Variants in CANX observed in about 807,000 individuals in gnomAD.
CANX encodes epididymis secretory sperm binding protein.
Under a neutral mutation model 75.7 loss-of-function variants are expected in CANX, and 14 were observed. The observed-to-expected ratio is 0.19, with a 90% CI of 0.12 to 0.29. CANX has a LOEUF of 0.29. Ranked by LOEUF, CANX falls within the 10% of genes least tolerant of loss-of-function variation. CANX has a pLI of 1.00. For synonymous variants in CANX, 227 were observed against 236.9 expected (o/e 0.96, Z 0.38); for missense variants, 567 against 713.2 (o/e 0.79, Z 2.34).
Position 179,709,875 on chromosome 5 carries a change from T to C in CANX, c.531T>C (p.Asp177=), listed in dbSNP as rs1777412765. 2 of 1,575,318 alleles carry C rather than the reference T, an allele frequency of 1.3e-6. No individual in the cohort carries two copies. Among genetic ancestry groups the C allele is most frequent in the African/African-American group, 1.4e-5 (1 of 72,542 alleles). Residue 177 remains aspartate, a splice_region_variant and synonymous_variant, in exon 7 of 15, where the codon GAT becomes GAC. Coordinates refer to ENST00000247461, the MANE Select transcript of CANX (RefSeq NM_001746.4). ...LLSKTPELNL[D]QFHDKTPYTI... is the part of the protein sequence containing the mutation. ...ATAATCCTTTTTTGTTTTTGAAGGA[T>C]CAGTTCCATGACAAGACCCCTTATA...
chr5:179,719,505 T>C (rs1401673530), intron 8 of CANX, among the ~76,000 whole-genome samples, 163 bp from the exon 9 acceptor site: 2 of 152,212 alleles, frequency 1.3e-5, no homozygotes, highest in Non-Finnish European at 2.9e-5. Context: ...GTTATTTTAC[T>C]AGGCCCTTAG....
rs185246993 is a variant in CANX, at chr5:179,729,802, A to C, written c.*1158A>C. 1.3e-5 allele frequency: 2 copies of C among 152,622 alleles called. No individual in the cohort carries two copies. Among genetic ancestry groups the C allele is most frequent in the African/African-American group, 4.8e-5 (2 of 41,454 alleles). The allele number at this position is 152,622 out of a possible 1,614,324, so 9.5% of individuals were successfully genotyped here. ...ACTTGAGAAGTCTAATTCACAGGCAAACCAATACAGAATTGACTGCAGTTG... is the reference window on the plus strand; with the variant it reads ...ACTTGAGAAGTCTAATTCACAGGCACACCAATACAGAATTGACTGCAGTTG... On this transcript the variant is annotated 3_prime_UTR_variant, in exon 15 of 15. Coordinates refer to ENST00000247461, the MANE Select transcript of CANX (RefSeq NM_001746.4).
intron 1 of CANX, chr5:179,700,166 G>A (rs531544953): frequency 1.3e-5 from 2 of 152,236 alleles, no homozygotes; most frequent in East Asian, 1.9e-4. Flanking sequence ...AGAAGAAACC[G>A]GGCATTGTGT....
At chr5:179,727,770 T>G (rs1247687412) in intron 14 of CANX, among the ~76,000 whole-genome samples, 1 of 152,076 alleles carries the variant, frequency 6.6e-6, no homozygotes, top group Non-Finnish European at 1.5e-5. Context: ...CCACAAAGGG[T>G]GACAGGAGAG....
chr5:179,712,181 T>C (rs556173517), intron 7 of CANX, among the ~76,000 whole-genome samples: 4 of 151,540 alleles, frequency 2.6e-5, no homozygotes, highest in Admixed American at 6.6e-5. Context: ...TTTGTTGTTG[T>C]TGTTGAGAAA....
Position 179,678,780 on chromosome 5 carries a change from AGTT to A in CANX, c.-4+7_-4+9del, listed in dbSNP as rs763827108. On this transcript the variant is annotated splice_donor_5th_base_variant and intron_variant, in intron 1 of 14. Transcript: ENST00000681674. ...AGCAGTTCCTGCTGCAGCTTCAGGTAGTTGTTCTCCTCCAGCAACACTTGGCTT... is the reference window on the plus strand; with the variant it reads ...AGCAGTTCCTGCTGCAGCTTCAGGTAGTTCTCCTCCAGCAACACTTGGCTT... 4.0e-5 allele frequency: 61 copies of A among 1,537,048 alleles called. No individual in the cohort carries two copies. The African/African-American group carries it at 7.0e-4, about 18-fold the overall frequency.
chr5:179,694,144 C>CA (rs55708497), upstream of CANX: 1,222 of 103,804 alleles, frequency 0.012, 17 homozygotes, highest in African/African-American at 0.023. Context: ...AACTCCGTCT[C>CA]AAAAAAAAAA....
chr5:179,711,477 G>T (rs1412323997), intron 7 of CANX, among the ~76,000 whole-genome samples: 1 of 151,728 alleles, frequency 6.6e-6, no homozygotes, highest in African/African-American at 2.4e-5. Flanking sequence ...TGAGGTTCGA[G>T]ATAATTTTAA....
At chr5:179,683,485 T>C (rs941954430) in intron 1 of CANX, among the ~76,000 whole-genome samples, 1 of 151,982 alleles carries the variant, frequency 6.6e-6, no homozygotes, top group Non-Finnish European at 1.5e-5. Context: ...ATTTGTTATG[T>C]GAAATCATTC....
At chr5:179,696,045 G>A (rs1441984825), upstream of CANX, among the ~76,000 whole-genome samples, 1 of 151,888 alleles carries the variant, frequency 6.6e-6, no homozygotes, top group Non-Finnish European at 1.5e-5. Flanking sequence ...TCGGCCTCCT[G>A]AGTAGCTGAG....
chr5:179,679,372 C>A lies in CANX; in HGVS notation c.-4+595C>A, dbSNP rs1033115324. ...CCTGCAGCTACGGCTGCGGCTGTGT[C>A]TCACCAGCTGCTGGCCACCGAGGAG... On this transcript the variant is annotated intron_variant, in intron 1 of 14. Coordinates refer to the CANX transcript ENST00000681674. 4 of 980,448 alleles carry A rather than the reference C, an allele frequency of 4.1e-6. No homozygotes were observed. In the Admixed American group the frequency reaches 1.2e-4, roughly 29 times the overall value. 60.7% of individuals were successfully genotyped at this position (980,448 alleles called of 1,614,324 possible).
At chr5:179,693,579 C>G (rs1776339296), upstream of CANX, among the ~76,000 whole-genome samples, 1 of 151,908 alleles carries the variant, frequency 6.6e-6, no homozygotes, top group African/African-American at 2.4e-5. Context: ...GAGGCTGAGG[C>G]AGGAGAATCG....
In CANX at chr5:179,731,506, C is replaced by A. The variant is rs1463753700; in HGVS notation, c.*2862C>A. 6.6e-6 allele frequency among the ~76,000 whole-genome samples: 1 copy of A among 150,696 alleles called. No individual in the cohort carries two copies. The highest frequency in any genetic ancestry group is 6.6e-5 in the Admixed American group (1 of 15,118). Reference sequence around the variant, plus strand: ...AAAAAAAAGCAGGACTGCATTATGGCACTTTTGCCTTGGTGGCCCACTTTC... The same window carrying A: ...AAAAAAAAGCAGGACTGCATTATGGAACTTTTGCCTTGGTGGCCCACTTTC... On this transcript the variant is annotated 3_prime_UTR_variant, in exon 15 of 15. Transcript: ENST00000247461.
chr5:179,680,715 T>C (rs1254266375), intron 1 of CANX, among the ~76,000 whole-genome samples: 13 of 152,110 alleles, frequency 8.5e-5, no homozygotes, highest in Admixed American at 6.6e-4. Context: ...GATTCTATTA[T>C]GTGAAAAAGG....
At chr5:179,699,298 C>T (rs1237764570) in intron 1 of CANX, among the ~76,000 whole-genome samples, 196 bp downstream of exon 1, 1 of 152,074 alleles carries the variant, frequency 6.6e-6, no homozygotes, top group Non-Finnish European at 1.5e-5. Flanking sequence ...GTTGCGGGCC[C>T]AGGCCGCGCC....
rs779864154 is a variant in CANX, at chr5:179,723,787, G to A, written c.1518+8G>A. 2 of 985,608 alleles carry A rather than the reference G, an allele frequency of 2.0e-6. No individual in the cohort carries two copies. Among genetic ancestry groups the A allele is most frequent in the African/African-American group, 3.3e-5 (2 of 61,186 alleles). 61.1% of individuals were successfully genotyped at this position (985,608 alleles called of 1,614,324 possible). A position where few individuals can be genotyped will look rare whatever the true frequency, so the allele number is the denominator to read the frequency against. On this transcript the variant is annotated splice_region_variant and intron_variant, in intron 12 of 14. Coordinates refer to ENST00000247461, the MANE Select transcript of CANX (RefSeq NM_001746.4). ...TTCTGCTGTTCTGGAAAGGTAGGAA[G>A]TTTTTTTTTTTAGAATCAATTTTAG... is the stretch of plus-strand genomic sequence containing the variant.
intron 1 of CANX, among the ~76,000 whole-genome samples, chr5:179,680,279 G>T (rs925004368): frequency 1.3e-5 from 2 of 152,160 alleles, no homozygotes; most frequent in Non-Finnish European, 2.9e-5. Flanking sequence ...ACTGCTGAAG[G>T]ATTAGAAAGC....
intron 13 of CANX, among the ~76,000 whole-genome samples, 172 bp from the exon 14 acceptor site, chr5:179,726,508 G>C (rs1047357692): frequency 3.4e-5 from 5 of 149,158 alleles, no homozygotes; most frequent in Non-Finnish European, 7.4e-5. Flanking sequence ...CCCGGGAGGC[G>C]GAGTTTGCAG....
rs1443247416 is a variant in CANX, at chr5:179,678,908, C to T, written c.-4+131C>T. 3.9e-6 allele frequency: 6 copies of T among 1,534,880 alleles called. No individual in the cohort carries two copies. The African/African-American group carries it at 8.2e-5, about 21-fold the overall frequency. ...GCTCTCAGTGGTCCACCGCCCGCCG[C>T]GGAACACGAAGGCCTGGTTGCTGAG... On this transcript the variant is annotated intron_variant, in intron 1 of 14. Coordinates refer to the CANX transcript ENST00000681674.
Sources: allele counts gnomAD v4.1 joint callset (sites outside exome capture counted in the v4.1 genomes callset), GRCh38; gene constraint gnomAD v4.1.1; transcripts MANE v1.5; gene names NCBI Gene and HGNC (gene_info 2026-07-23, HGNC 2026-07-21).